Variants in DAPK1 observed in about 807,000 individuals in gnomAD.
DAPK1 encodes death-associated protein kinase 1.
In DAPK1, 56 loss-of-function variants were observed where a neutral mutation model predicts 144.9. The ratio of observed to expected loss-of-function variants is 0.39; its 90% CI spans 0.31 to 0.48. The LOEUF (loss-of-function observed/expected upper bound fraction) is 0.48. Ranked by LOEUF, DAPK1 falls within the 20% of genes least tolerant of loss-of-function variation. DAPK1 has a pLI of 0.95. For missense variants in DAPK1, 1,454 were observed against 1,875.4 expected, an observed-to-expected ratio of 0.78 and a Z score of 4.15; for synonymous variants, 690 against 749.0, an observed-to-expected ratio of 0.92 and a Z score of 1.29.
intron 2 of DAPK1, among the ~76,000 whole-genome samples, chr9:87,504,903 G>A (rs1245216412): frequency 6.6e-6 from 1 of 152,292 alleles, no homozygotes; most frequent in South Asian, 2.1e-4. Context: ...GTCTGTATAT[G>A]TTCAGTACAG....
chr9:87,586,245 G>A (rs1002284497), intron 2 of DAPK1, among the ~76,000 whole-genome samples: 7 of 152,172 alleles, frequency 4.6e-5, no homozygotes, highest in African/African-American at 2.4e-5. Context: ...CTGAGATAGC[G>A]CCCCACTGCA....
intron 12 of DAPK1, 30 bp downstream of exon 12, chr9:87,646,044 G>A (rs558251843): frequency 6.2e-7 from 1 of 1,604,520 alleles, no homozygotes; most frequent in African/African-American, 1.3e-5. Flanking sequence ...CATACTGGAG[G>A]GGTGGGTCAC....
intron 3 of DAPK1, among the ~76,000 whole-genome samples, chr9:87,627,322 C>T (rs547811370): frequency 3.9e-5 from 6 of 152,324 alleles, no homozygotes; most frequent in Non-Finnish European, 8.8e-5. Flanking sequence ...TATTGCACAG[C>T]TGGGACAACT....
chr9:87,688,759 T>A (rs1824955100), intron 21 of DAPK1, among the ~76,000 whole-genome samples: 1 of 152,208 alleles, frequency 6.6e-6, no homozygotes, highest in Non-Finnish European at 1.5e-5. Context: ...TTCGTGTCCT[T>A]TGCCCACTTT....
chr9:87,571,693 C>T (rs895396605), intron 2 of DAPK1, among the ~76,000 whole-genome samples: 5 of 152,192 alleles, frequency 3.3e-5, no homozygotes, highest in South Asian at 2.1e-4. Flanking sequence ...ATGTAAACAG[C>T]GTTTGCACAC....
At chr9:87,536,195 A>T (rs1441291367) in intron 2 of DAPK1, among the ~76,000 whole-genome samples, 1 of 152,174 alleles carries the variant, frequency 6.6e-6, no homozygotes, top group African/African-American at 2.4e-5. Flanking sequence ...CCTCTGGGTT[A>T]AGGACATGTA....
Position 87,641,790 on chromosome 9 carries a change from G to A in DAPK1, c.829-179G>A, listed in dbSNP as rs886523051. On this transcript the variant is annotated intron_variant, in intron 9 of 25. Coordinates refer to ENST00000408954, the MANE Select transcript of DAPK1 (RefSeq NM_004938.4). The stretch of plus-strand genomic sequence containing the variant: ...ATGGATGATACGAAACCCTGAGATA[G>A]AAGAGTGAGCCCGCTAAGACTAGGT... 3.3e-5 allele frequency among the ~76,000 whole-genome samples: 5 copies of A among 152,208 alleles called. No individual in the cohort carries two copies. In the East Asian group the frequency reaches 9.6e-4, roughly 29 times the overall value.
intron 3 of DAPK1, among the ~76,000 whole-genome samples, chr9:87,614,292 T>C (rs1280972885): frequency 1.3e-5 from 2 of 152,240 alleles, no homozygotes; most frequent in Non-Finnish European, 2.9e-5. Flanking sequence ...CATAGATCTG[T>C]AGTTTTTAGG....
chr9:87,503,840 C>T (rs985684645), intron 2 of DAPK1, among the ~76,000 whole-genome samples: 1 of 152,152 alleles, frequency 6.6e-6, no homozygotes, highest in Non-Finnish European at 1.5e-5. Context: ...CAGTTTTAAA[C>T]AAAACAAATG....
intron 3 of DAPK1, among the ~76,000 whole-genome samples, chr9:87,605,726 A>G (rs1446691473): frequency 1.3e-5 from 2 of 152,216 alleles, no homozygotes; most frequent in Non-Finnish European, 2.9e-5. Flanking sequence ...TGATTTTCTC[A>G]GGCAAGCCAT....
At chr9:87,611,527 T>C (rs1229368286) in intron 3 of DAPK1, among the ~76,000 whole-genome samples, 1 of 152,196 alleles carries the variant, frequency 6.6e-6, no homozygotes, top group Non-Finnish European at 1.5e-5. Flanking sequence ...GGTGCAATCA[T>C]AGCTCACTGC....
chr9:87,498,924 G>T (rs1318648960), intron 1 of DAPK1, 46 bp from the exon 2 acceptor site: 2 of 599,870 alleles, frequency 3.3e-6, no homozygotes, highest in Admixed American at 5.6e-5. Flanking sequence ...TTCCTTTTGG[G>T]GTTGCCATTT....
chr9:87,585,594 AC>A (rs1827919668), intron 2 of DAPK1, among the ~76,000 whole-genome samples: 1 of 152,218 alleles, frequency 6.6e-6, no homozygotes, highest in African/African-American at 2.4e-5. Flanking sequence ...GAACAGTCAT[AC>A]CTTTTATCTT....
intron 2 of DAPK1, chr9:87,553,825 G>A (rs1296191007): frequency 1.3e-5 from 2 of 152,214 alleles, no homozygotes; most frequent in African/African-American, 2.4e-5. Flanking sequence ...TTCCACAGAT[G>A]AGGGCAATAA....
chr9:87,647,135 G>A (rs565952623), intron 13 of DAPK1, among the ~76,000 whole-genome samples, 170 bp from the exon 14 acceptor site: 24 of 152,300 alleles, frequency 1.6e-4, no homozygotes, highest in South Asian at 6.2e-4. Context: ...GTGTAACCAC[G>A]GTACATTTGT....
At chr9:87,660,307 G>A (rs1178687952) in intron 18 of DAPK1, among the ~76,000 whole-genome samples, 3 of 152,092 alleles carry the variant, frequency 2.0e-5, no homozygotes, top group Non-Finnish European at 4.4e-5. Flanking sequence ...AGACCCTCCA[G>A]ACTGGAGGGC....
chr9:87,646,055 A>G (rs1290471361), intron 12 of DAPK1, 41 bp downstream of exon 12: 2 of 1,597,974 alleles, frequency 1.3e-6, no homozygotes, highest in Non-Finnish European at 1.7e-6. Context: ...GGTGGGTCAC[A>G]GCGACCTTGC....
intron 2 of DAPK1, among the ~76,000 whole-genome samples, chr9:87,588,700 A>C (rs1408872827): frequency 6.6e-6 from 1 of 152,182 alleles, no homozygotes; most frequent in Non-Finnish European, 1.5e-5. Flanking sequence ...AAGTTGATGG[A>C]AATATGGATT....
chr9:87,690,070 A>G (rs372255745), intron 21 of DAPK1, among the ~76,000 whole-genome samples: 3 of 152,182 alleles, frequency 2.0e-5, no homozygotes, highest in African/African-American at 7.2e-5. Flanking sequence ...TAGGGATTGC[A>G]TTGAATCTGT....
Sources: allele counts gnomAD v4.1 joint callset (sites outside exome capture counted in the v4.1 genomes callset), GRCh38; gene constraint gnomAD v4.1.1; transcripts MANE v1.5; gene names NCBI Gene and HGNC (gene_info 2026-07-23, HGNC 2026-07-21).